The following MARCHF1 variants were observed in gnomAD, a reference collection of about 807,000 sequenced individuals.
The protein encoded by MARCHF1 is membrane associated ring-CH-type finger 1, also known as E3 ubiquitin-protein ligase MARCHF1.
Under a neutral mutation model 54.2 loss-of-function variants are expected in MARCHF1, and 40 were observed. The ratio of observed to expected loss-of-function variants is 0.74; its 90% CI spans 0.57 to 0.96. MARCHF1 has a LOEUF of 0.96. Ranked by LOEUF, MARCHF1 falls within the 40% of genes least tolerant of loss-of-function variation. MARCHF1 has a pLI of 0.00. For synonymous variants in MARCHF1, 236 were observed against 236.3 expected, an observed-to-expected ratio of 1.00 and a Z score of 0.01; for missense variants, 586 against 656.5, an observed-to-expected ratio of 0.89 and a Z score of 1.17.
At chr4:163,923,436 A>G (rs1301365410) in intron 3 of MARCHF1, among the ~76,000 whole-genome samples, 1 of 152,068 alleles carries the variant, frequency 6.6e-6, no homozygotes, top group Non-Finnish European at 1.5e-5. Flanking sequence ...CGTTTTCTGT[A>G]ATTAAGAGTT....
chr4:164,107,748 G>A (rs943055834), intron 2 of MARCHF1, among the ~76,000 whole-genome samples: 2 of 151,918 alleles, frequency 1.3e-5, no homozygotes, highest in Admixed American at 6.6e-5. Flanking sequence ...ATCTAGAAGT[G>A]CAGTAACAGT....
intron 3 of MARCHF1, among the ~76,000 whole-genome samples, chr4:163,945,818 C>A (rs1416034670): frequency 1.3e-5 from 2 of 152,050 alleles, no homozygotes; most frequent in East Asian, 1.9e-4. Context: ...AAAAAGCTTT[C>A]ATTTGAAAAG....
chr4:164,173,166 A>C (rs911583734), intron 1 of MARCHF1, among the ~76,000 whole-genome samples: 1 of 152,204 alleles, frequency 6.6e-6, no homozygotes, highest in Non-Finnish European at 1.5e-5. Flanking sequence ...ACCATTAAAC[A>C]CACATTCCAG....
chr4:163,863,381 G>A (rs1749982492), intron 3 of MARCHF1, among the ~76,000 whole-genome samples: 2 of 152,044 alleles, frequency 1.3e-5, no homozygotes, highest in African/African-American at 4.8e-5. Context: ...GGTCCCCTAT[G>A]GAGGTATGAC....
intron 1 of MARCHF1, among the ~76,000 whole-genome samples, chr4:164,256,974 T>C (rs77792250): frequency 0.041 from 6,194 of 152,242 alleles, 399 homozygotes; most frequent in African/African-American, 0.14. Flanking sequence ...GAACAAATTA[T>C]AGTAGTATAA....
chr4:163,982,705 C>A (rs1365743845), intron 3 of MARCHF1, among the ~76,000 whole-genome samples: 2 of 152,126 alleles, frequency 1.3e-5, no homozygotes, highest in Non-Finnish European at 2.9e-5. Context: ...TTTTCTCTCT[C>A]TATGTTCTGC....
At chr4:163,828,464 G>A (rs1041844228) in intron 4 of MARCHF1, among the ~76,000 whole-genome samples, 3 of 151,910 alleles carry the variant, frequency 2.0e-5, no homozygotes, top group African/African-American at 7.3e-5. Flanking sequence ...GCTGAATGGG[G>A]GGCACATTTC....
chr4:164,050,049 T>C (rs13129649), intron 2 of MARCHF1, among the ~76,000 whole-genome samples: 69,268 of 151,520 alleles, frequency 0.46, 16,925 homozygotes, highest in African/African-American at 0.63. Flanking sequence ...CCGAGGTGGG[T>C]GAATCACTTG....
intron 4 of MARCHF1, among the ~76,000 whole-genome samples, chr4:163,723,860 G>A (rs574963799): frequency 4.6e-5 from 7 of 152,334 alleles, no homozygotes; most frequent in African/African-American, 1.7e-4. Context: ...CTTGTGCCAT[G>A]GTTTTCAGCT....
intron 5 of MARCHF1, among the ~76,000 whole-genome samples, chr4:163,682,614 A>C (rs1328449589): frequency 1.3e-5 from 2 of 152,214 alleles, no homozygotes; most frequent in African/African-American, 4.8e-5. Context: ...ATTAGTTCCC[A>C]TAATCCTCAC....
chr4:164,310,173 G>T (rs1734810808), intron 1 of MARCHF1, among the ~76,000 whole-genome samples: 1 of 152,026 alleles, frequency 6.6e-6, no homozygotes, highest in Admixed American at 6.6e-5. Flanking sequence ...CACCTCCCAG[G>T]TTCAACTGAT....
chr4:163,613,527 G>T (rs776872412), intron 5 of MARCHF1, 134 bp from the exon 6 acceptor site: 12 of 1,575,238 alleles, frequency 7.6e-6, no homozygotes, highest in Non-Finnish European at 1.0e-5. Flanking sequence ...GCAGAACAGA[G>T]AATATAGGAA....
At chr4:163,966,151 A>G (rs1190601060) in intron 3 of MARCHF1, among the ~76,000 whole-genome samples, 2 of 152,072 alleles carry the variant, frequency 1.3e-5, no homozygotes, top group African/African-American at 4.8e-5. Context: ...AATGTGCTAT[A>G]TTACACTAAT....
At chr4:163,927,533 G>A (rs1249954466) in intron 3 of MARCHF1, among the ~76,000 whole-genome samples, 1 of 151,754 alleles carries the variant, frequency 6.6e-6, no homozygotes, top group Non-Finnish European at 1.5e-5. Context: ...CAGTGCATTG[G>A]AGGTTTTTAT....
chr4:163,680,489 G>T (rs887156344), intron 5 of MARCHF1, among the ~76,000 whole-genome samples: 3 of 152,102 alleles, frequency 2.0e-5, no homozygotes, highest in Admixed American at 2.0e-4. Context: ...TCCTCCCTAA[G>T]CTCTTTGGGG....
At chr4:163,925,776 G>A (rs1215561380) in intron 3 of MARCHF1, among the ~76,000 whole-genome samples, 4 of 151,616 alleles carry the variant, frequency 2.6e-5, no homozygotes, top group Non-Finnish European at 5.9e-5. Flanking sequence ...TGGTGTAGCT[G>A]AATTATTAGT....
chr4:163,794,497 A>T (rs570875363), intron 4 of MARCHF1, among the ~76,000 whole-genome samples: 23 of 152,334 alleles, frequency 1.5e-4, no homozygotes, highest in African/African-American at 4.8e-4. Context: ...GTAATTCTCT[A>T]AAAACTTACA....
chr4:163,807,930 T>C (rs1197573449), intron 4 of MARCHF1, among the ~76,000 whole-genome samples: 1 of 152,190 alleles, frequency 6.6e-6, no homozygotes, highest in African/African-American at 2.4e-5. Flanking sequence ...GCTAATAGTA[T>C]TTTTTAGACT....
chr4:163,822,603 T>C (rs1023579043), intron 4 of MARCHF1, among the ~76,000 whole-genome samples: 1 of 151,976 alleles, frequency 6.6e-6, no homozygotes, highest in Admixed American at 6.6e-5. Context: ...TAAAAATTAA[T>C]TTTGTTTTTT....
Sources: gnomAD v4.1 joint callset for allele counts (sites outside exome capture counted in the v4.1 genomes callset) on GRCh38, gnomAD v4.1.1 for gene constraint, MANE v1.5 for transcripts, NCBI Gene and HGNC (gene_info 2026-07-23, HGNC 2026-07-21) for gene names.